TAB2: variants seen among roughly 807,000 people sequenced by gnomAD.
TAB2 encodes TGF-beta activated kinase 1 (MAP3K7) binding protein 2, also known as TGF-beta-activated kinase 1 and MAP3K7-binding protein 2.
In TAB2, 3 loss-of-function variants were observed where a neutral mutation model predicts 65.0. The ratio of observed to expected loss-of-function variants is 0.05; its 90% confidence interval spans 0.02 to 0.12. The LOEUF (loss-of-function observed/expected upper bound fraction) is 0.12, where lower values mean the gene tolerates loss of function less well. Among genes scored for constraint, TAB2 ranks in the 10% least tolerant of loss-of-function variants. TAB2 has a pLI of 1.00. For synonymous variants in TAB2, 298 were observed against 285.1 expected (o/e 1.05, Z -0.46); for missense variants, 623 against 840.3 (o/e 0.74, Z 3.20).
intron 1 of TAB2, among the ~76,000 whole-genome samples, chr6:149,326,556 T>A (rs964852810): frequency 7.6e-4 from 116 of 151,634 alleles, no homozygotes; most frequent in African/African-American, 1.4e-3. Flanking sequence ...GTTATTATTT[T>A]TTTTTTTTTG....
At chr6:149,275,266 A>G (rs951581003) in intron 1 of TAB2, among the ~76,000 whole-genome samples, 1 of 149,504 alleles carries the variant, frequency 6.7e-6, no homozygotes, top group Non-Finnish European at 1.5e-5. Flanking sequence ...GAAAGAAAGA[A>G]AGAAAGAAAG....
At chr6:149,313,033 A>T (rs1779192019), upstream of TAB2, among the ~76,000 whole-genome samples, 1 of 152,252 alleles carries the variant, frequency 6.6e-6, no homozygotes, top group South Asian at 2.1e-4. Context: ...CAGCCTAAAA[A>T]TATGGCCGTG....
chr6:149,338,548 A>AT (rs1206740848), intron 1 of TAB2, among the ~76,000 whole-genome samples: 1 of 152,240 alleles, frequency 6.6e-6, no homozygotes, highest in African/African-American at 2.4e-5. Flanking sequence ...GGAAACTAGT[A>AT]TTGGAAGAGT....
At chr6:149,400,340 GACCCGCC>G in intron 6 of TAB2, 1 of 1,587,248 alleles carries the variant, frequency 6.3e-7, no homozygotes, top group South Asian at 1.2e-5. Context: ...GTTAGGTGCG[GACCCGCC>G]ACCTCTTTTG....
At position 149,231,509 on chromosome 6, in the gene TAB2, A is replaced by G. The variant is rs1777403946; in HGVS notation, c.-121+12733A>G. Among the ~76,000 whole-genome samples, 6 of 152,314 alleles carry G rather than the reference A, an allele frequency of 3.9e-5. No homozygotes were observed. In the South Asian group the frequency reaches 6.2e-4, roughly 16 times the overall value. On this transcript the variant is annotated intron_variant, in intron 1 of 1. Transcript: ENST00000606202. ...TAATTTTCCTACAAATTAAATTTTAAACTTGATTTGGGGGTGATACCTAAA... is the reference window on the plus strand; with the variant it reads ...TAATTTTCCTACAAATTAAATTTTAGACTTGATTTGGGGGTGATACCTAAA...
intron 3 of TAB2, among the ~76,000 whole-genome samples, chr6:149,397,317 C>T (rs2114940723): frequency 6.6e-6 from 1 of 151,996 alleles, no homozygotes; most frequent in African/African-American, 2.4e-5. Context: ...GGCAGTTGCC[C>T]ATAATCCCAG....
chr6:149,271,421 T>C (rs1369942205), intron 1 of TAB2, among the ~76,000 whole-genome samples: 1 of 152,186 alleles, frequency 6.6e-6, no homozygotes, highest in Non-Finnish European at 1.5e-5. Context: ...AGGTTCTTTC[T>C]AGCCTGTGGC....
intron 1 of TAB2, among the ~76,000 whole-genome samples, chr6:149,364,874 A>G (rs1562435422): frequency 6.6e-6 from 1 of 151,800 alleles, no homozygotes; most frequent in African/African-American, 2.4e-5. Context: ...CTGAATATGA[A>G]GCATAACTTG....
Position 149,350,685 on chromosome 6 carries a change from G to A in TAB2, c.-89-19224G>A, listed in dbSNP as rs189001998. Among the ~76,000 whole-genome samples, 411 of 136,014 alleles carry A rather than the reference G, an allele frequency of 3.0e-3. 2 individuals are homozygous for A. Among genetic ancestry groups the A allele is most frequent in the African/African-American group, 0.011 (389 of 35,488 alleles). The allele number at this position is 136,014 out of a possible 152,430, so 89.2% of individuals were successfully genotyped here. A position where few individuals can be genotyped will look rare whatever the true frequency, so the allele number is the denominator to read the frequency against. ...GCTGGAGTGCAGTGGCACAATCATA[G>A]CTCACTACATCCTTGAACTCCTGGG... On this transcript the variant is annotated intron_variant, in intron 1 of 6. Transcript: ENST00000637181.
intron 1 of TAB2, chr6:149,245,261 C>T (rs1021424248): frequency 1.3e-5 from 2 of 152,154 alleles, no homozygotes; most frequent in African/African-American, 4.8e-5. Context: ...TGAACCTTAG[C>T]CGTAGCTTCT....
In TAB2 at chr6:149,370,056, TC is replaced by T; in HGVS notation, c.62del (p.Pro21LeufsTer40). The T allele has an allele frequency of 6.2e-7, 1 of 1,614,130 alleles. No individual in the cohort carries two copies. Among genetic ancestry groups the T allele is most frequent in the Non-Finnish European group, 8.5e-7 (1 of 1,179,998 alleles). On this transcript the variant is annotated frameshift_variant, in exon 2 of 7. Transcript: ENST00000637181. LOFTEE classifies it high-confidence loss of function. ...GTTTTACATGACCTGCGACAAAAAT[TC>T]CCTGAAGTACCTGAAGTTGTTGTAT... ...FQVLHDLRQK[F>X]PEVPEVVVSR...
rs1224456405 is a variant in TAB2 at position 149,379,120 on chromosome 6, G to A, written c.1205G>A (p.Arg402Gln). ...GCCACAGGAGATGAACAGGTCATGC[G>A]GAATCAGCCCACACTCTTCATATCC... ...NAATGDEQVM[R>Q]NQPTLFISTN... The change falls in exon 3 of 7, where the codon CGG becomes CAG. Residue 402 changes from arginine (R) to glutamine (Q), a missense_variant. Coordinates refer to ENST00000637181, the MANE Select transcript of TAB2 (RefSeq NM_001292034.3). The A allele has an allele frequency of 2.5e-6, 4 of 1,613,966 alleles. No homozygotes were observed. The highest frequency in any genetic ancestry group is 1.3e-5 in the African/African-American group (1 of 74,872).
In TAB2 at chr6:149,336,175, T is replaced by TA. The variant is rs1229653217; in HGVS notation, c.-90+18160_-90+18161insA. On this transcript the variant is annotated intron_variant, in intron 1 of 6. Transcript: ENST00000637181. ...CACGTAGTAGTGCTTAACCAATATG[T>TA]TTGGAATGAATCATTGTCTTGTGCT... 5.9e-5 allele frequency among the ~76,000 whole-genome samples: 9 copies of TA among 152,326 alleles called. No individual in the cohort carries two copies. The South Asian group carries it at 1.9e-3, about 32-fold the overall frequency.
At chr6:149,322,900 T>G (rs1199349317) in intron 1 of TAB2, among the ~76,000 whole-genome samples, 1 of 152,140 alleles carries the variant, frequency 6.6e-6, no homozygotes, top group East Asian at 1.9e-4. Flanking sequence ...AAATTGTGAA[T>G]GGGATTTTTG....
At chr6:149,308,130 C>G (rs497036) in intron 1 of TAB2, among the ~76,000 whole-genome samples, 67,873 of 151,876 alleles carry the variant, frequency 0.45, 18,281 homozygotes, top group African/African-American at 0.77. Flanking sequence ...AGATGTATTA[C>G]GGTTGTTTTC....
intron 2 of TAB2, among the ~76,000 whole-genome samples, chr6:149,371,197 G>T (rs1781216564): frequency 6.8e-6 from 1 of 148,138 alleles, no homozygotes; most frequent in Non-Finnish European, 1.5e-5. Flanking sequence ...ACTACATTTT[G>T]TTCACACCCT....
chr6:149,223,141 A>G (rs775782293), intron 1 of TAB2, among the ~76,000 whole-genome samples: 16 of 152,350 alleles, frequency 1.1e-4, no homozygotes, highest in Non-Finnish European at 2.1e-4. Context: ...AACTCAAAAG[A>G]CTATCTTATT....
chr6:149,396,598 T>TCCAGTCCA (rs1782179962), intron 3 of TAB2, among the ~76,000 whole-genome samples: 1 of 152,230 alleles, frequency 6.6e-6, no homozygotes, highest in Non-Finnish European at 1.5e-5. Flanking sequence ...TATCTTCACT[T>TCCAGTCCA]CCAGTCCAGT....
In TAB2 at chr6:149,258,019, T is replaced by C. The variant is rs929654789; in HGVS notation, c.-121+39243T>C. Among the ~76,000 whole-genome samples, 5 of 152,260 alleles carry C rather than the reference T, an allele frequency of 3.3e-5. 1 individual carries two copies. In the East Asian group the frequency reaches 9.7e-4, roughly 29 times the overall value. On this transcript the variant is annotated intron_variant, in intron 1 of 1. Coordinates refer to the TAB2 transcript ENST00000606202. ...GCTCCCCATCCAGTCCACGCTACTA[T>C]AGCAACTAGGGAAGTTGAGATAGCA... is the stretch of plus-strand genomic sequence containing the variant.
Sources: gnomAD v4.1 joint callset for allele counts (sites outside exome capture counted in the v4.1 genomes callset) on GRCh38, gnomAD v4.1.1 for gene constraint, MANE v1.5 for transcripts, NCBI Gene and HGNC (gene_info 2026-07-23, HGNC 2026-07-21) for gene names.